SMAD2: variants seen among roughly 807,000 people sequenced by gnomAD.
The protein encoded by SMAD2 is MAD homolog 2.
A neutral mutation model predicts 64.4 loss-of-function variants in SMAD2; 8 were observed. The ratio of observed to expected loss-of-function variants is 0.12; its 90% confidence interval spans 0.07 to 0.22. The LOEUF (loss-of-function observed/expected upper bound fraction) is 0.22. SMAD2 is among the 10% of genes least tolerant of loss of function. The probability of loss-of-function intolerance (pLI) is 1.00; values close to 1 mark genes in which losing one functional copy is unlikely to be tolerated. For missense variants in SMAD2, 289 were observed against 561.2 expected, an observed-to-expected ratio of 0.51 and a Z score of 4.90; for synonymous variants, 203 against 195.8, an observed-to-expected ratio of 1.04 and a Z score of -0.31.
At position 47,909,702 on chromosome 18, in the gene SMAD2, G is replaced by A. The variant is rs572782163; in HGVS notation, c.-53-12893C>T. Among the ~76,000 whole-genome samples the A allele has an allele frequency of 3.0e-4, 46 of 152,234 alleles. 1 individual carries two copies. In the South Asian group the frequency reaches 7.9e-3, roughly 26 times the overall value. Reference sequence around the variant, plus strand: ...CGGCTGCCACAACAAAAAGGCCAGGGCAACCAGAACGCTTTTCTCTGGATT... The same window carrying A: ...CGGCTGCCACAACAAAAAGGCCAGGACAACCAGAACGCTTTTCTCTGGATT... On this transcript the variant is annotated intron_variant, in intron 1 of 10. Transcript: ENST00000262160.
intron 1 of SMAD2, among the ~76,000 whole-genome samples, chr18:47,920,565 G>A (rs1443676039): frequency 2.0e-5 from 3 of 152,176 alleles, no homozygotes; most frequent in African/African-American, 7.2e-5. Flanking sequence ...TTACATTTCT[G>A]GAAAGCACAA....
At position 47,823,142 on chromosome 18, in the gene SMAD2, TG is replaced by T. The variant is rs895459560; in HGVS notation, c.*18684del. On this transcript the variant is annotated 3_prime_UTR_variant, in exon 11 of 11. Coordinates refer to ENST00000262160, the MANE Select transcript of SMAD2 (RefSeq NM_005901.6). The stretch of plus-strand genomic sequence containing the variant: ...GAATGTGTAGAATGCCTGGCTTCAA[TG>T]GTTCTCAGCATTACACTGAATTAAA... 2 of 152,230 alleles carry T rather than the reference TG, an allele frequency of 1.3e-5. No homozygotes were observed. The highest frequency in any genetic ancestry group is 4.8e-5 in the African/African-American group (2 of 41,458). The allele number at this position is 152,230 out of a possible 1,614,324, so 9.4% of individuals were successfully genotyped here.
At chr18:47,903,387 A>G (rs564260848) in intron 1 of SMAD2, among the ~76,000 whole-genome samples, 1 of 152,184 alleles carries the variant, frequency 6.6e-6, no homozygotes, top group South Asian at 2.1e-4. Flanking sequence ...GGGAAAGAAA[A>G]TAAGAATGAC....
intron 1 of SMAD2, among the ~76,000 whole-genome samples, chr18:47,913,260 A>C (rs187808975): frequency 1.8e-4 from 27 of 152,306 alleles, no homozygotes; most frequent in Non-Finnish European, 3.7e-4. Flanking sequence ...TTATGAGTTA[A>C]GCTGTATTCC....
chr18:47,875,188 TTAC>T (rs1260221274), intron 2 of SMAD2, among the ~76,000 whole-genome samples: 1 of 152,136 alleles, frequency 6.6e-6, no homozygotes, highest in Non-Finnish European at 1.5e-5. Flanking sequence ...CCTTTTAACT[TTAC>T]TACTAATTCT....
At chr18:47,880,553 C>CTA (rs912902281) in intron 2 of SMAD2, among the ~76,000 whole-genome samples, 3 of 152,162 alleles carry the variant, frequency 2.0e-5, no homozygotes, top group African/African-American at 4.8e-5. Context: ...TTTAAGTACT[C>CTA]TAACTTATTA....
At chr18:47,926,359 T>A (rs1386360895) in intron 1 of SMAD2, among the ~76,000 whole-genome samples, 2 of 152,244 alleles carry the variant, frequency 1.3e-5, no homozygotes, top group African/African-American at 4.8e-5. Flanking sequence ...TTCATTACTA[T>A]GCTTTCAGGT....
rs532418519 is a variant in SMAD2, at chr18:47,809,715, C to A, written c.*32112G>T. 2 of 152,358 alleles carry A rather than the reference C, an allele frequency of 1.3e-5. No individual in the cohort carries two copies. Among genetic ancestry groups the A allele is most frequent in the Admixed American group, 1.3e-4 (2 of 15,306 alleles). The allele number at this position is 152,358 out of a possible 1,614,324, so 9.4% of individuals were successfully genotyped here. ...TAAATCTTCTGAGGTTTCCCCATTA[C>A]TAAGCTCCCGCCCCCTGACCCTCTC... On this transcript the variant is annotated 3_prime_UTR_variant, in exon 11 of 11. Transcript: ENST00000262160.
chr18:47,850,372 AT>A (rs1915143223), intron 7 of SMAD2, among the ~76,000 whole-genome samples: 1 of 25,718 alleles, frequency 3.9e-5, no homozygotes, highest in African/African-American at 2.5e-4. Flanking sequence ...TATAATATAT[AT>A]TATATATATT....
At chr18:47,881,541 G>T (rs565795690) in intron 2 of SMAD2, among the ~76,000 whole-genome samples, 1 of 152,248 alleles carries the variant, frequency 6.6e-6, no homozygotes, top group East Asian at 1.9e-4. Flanking sequence ...TCTACAAACA[G>T]AATTTTGAAA....
intron 1 of SMAD2, among the ~76,000 whole-genome samples, chr18:47,929,006 A>C (rs145356407): frequency 1.8e-4 from 27 of 152,354 alleles, no homozygotes; most frequent in African/African-American, 6.3e-4. Flanking sequence ...TAAAAGTATT[A>C]CTTTTGAATT....
chr18:47,838,416 G>GT lies in SMAD2; in HGVS notation c.*3410_*3411insA. The GT allele has an allele frequency of 4.3e-6, 1 of 233,256 alleles. No individual in the cohort carries two copies. Among genetic ancestry groups the GT allele is most frequent in the East Asian group, 6.0e-5 (1 of 16,664 alleles). 14.4% of individuals were successfully genotyped at this position (233,256 alleles called of 1,614,324 possible). A position where few individuals can be genotyped will look rare whatever the true frequency, so the allele number is the denominator to read the frequency against. ...TCTACAAGACCAAGCACAGCTCAAGGGTCAGGGCCCCGTCCTAGTCATCTT... is the reference window on the plus strand; with the variant it reads ...TCTACAAGACCAAGCACAGCTCAAGGTGTCAGGGCCCCGTCCTAGTCATCTT... On this transcript the variant is annotated 3_prime_UTR_variant, in exon 11 of 11. Coordinates refer to ENST00000262160, the MANE Select transcript of SMAD2 (RefSeq NM_005901.6).
intron 1 of SMAD2, among the ~76,000 whole-genome samples, chr18:47,906,429 T>C (rs760955552): frequency 2.0e-5 from 3 of 151,982 alleles, no homozygotes; most frequent in Non-Finnish European, 2.9e-5. Context: ...AAAAGAATAA[T>C]AGACATGTCA....
chr18:47,877,368 T>C (rs2032325930), intron 2 of SMAD2, among the ~76,000 whole-genome samples: 1 of 152,126 alleles, frequency 6.6e-6, no homozygotes, highest in Non-Finnish European at 1.5e-5. Context: ...TATGCATCCA[T>C]AATTATTTCT....
At chr18:47,924,115 G>A (rs544614675) in intron 1 of SMAD2, among the ~76,000 whole-genome samples, 1 of 151,938 alleles carries the variant, frequency 6.6e-6, no homozygotes, top group African/African-American at 2.4e-5. Flanking sequence ...GGACATGGTG[G>A]CGCATGCCTG....
intron 5 of SMAD2, among the ~76,000 whole-genome samples, chr18:47,866,219 G>A (rs1363619544): frequency 2.0e-5 from 3 of 150,148 alleles, no homozygotes; most frequent in East Asian, 2.0e-4. Flanking sequence ...GGGAGGCTGA[G>A]GCAGGAGAAT....
chr18:47,833,340 G>A lies in SMAD2; in HGVS notation c.*8487C>T. 4.5e-6 allele frequency: 1 copy of A among 221,482 alleles called. No homozygotes were observed. The highest frequency in any genetic ancestry group is 6.6e-5 in the East Asian group (1 of 15,172). The allele number at this position is 221,482 out of a possible 1,614,324, so 13.7% of individuals were successfully genotyped here. Reference sequence around the variant, plus strand: ...AAATATTTGGTGTAGGTGGGAGAAAGACATCAGTATTCAACAATTTTAACT... The same window carrying A: ...AAATATTTGGTGTAGGTGGGAGAAAAACATCAGTATTCAACAATTTTAACT... On this transcript the variant is annotated 3_prime_UTR_variant, in exon 11 of 11. Transcript: ENST00000262160.
At position 47,813,454 on chromosome 18, in the gene SMAD2, T is replaced by G. The variant is rs2144224379; in HGVS notation, c.*28373A>C. ...TGGAGTCTTGCAATGTCACCCAGGC[T>G]GGAGTGCAGTGGCGCAATCTCGGCT... On this transcript the variant is annotated 3_prime_UTR_variant, in exon 11 of 11. Transcript: ENST00000262160. The G allele has an allele frequency of 6.7e-6, 1 of 148,434 alleles. No homozygotes were observed. The highest frequency in any genetic ancestry group is 2.2e-4 in the South Asian group (1 of 4,580). The allele number at this position is 148,434 out of a possible 1,614,324, so 9.2% of individuals were successfully genotyped here. A position where few individuals can be genotyped will look rare whatever the true frequency, so the allele number is the denominator to read the frequency against.
intron 1 of SMAD2, among the ~76,000 whole-genome samples, chr18:47,897,412 A>G (rs944679719): frequency 2.0e-5 from 3 of 152,200 alleles, no homozygotes; most frequent in African/African-American, 4.8e-5. Flanking sequence ...TCATCTAAAT[A>G]ACAATTTGCA....
Sources: allele counts gnomAD v4.1 joint callset (sites outside exome capture counted in the v4.1 genomes callset), GRCh38; gene constraint gnomAD v4.1.1; transcripts MANE v1.5; gene names NCBI Gene and HGNC (gene_info 2026-07-23, HGNC 2026-07-21).